Variants in TRIML1 observed in about 807,000 individuals in gnomAD.
TRIML1 encodes the protein probable E3 ubiquitin-protein ligase TRIML1.
TRIML1 carries 34 observed loss-of-function variants against 32.3 expected under a neutral mutation model. The ratio of observed to expected loss-of-function variants is 1.05; its 90% CI spans 0.80 to 1.40. The LOEUF (loss-of-function observed/expected upper bound fraction) is 1.40, where lower values mean the gene tolerates loss of function less well. TRIML1 is among the 40% of genes most tolerant of loss of function. The pLI is 0.00. For synonymous variants in TRIML1, 244 were observed against 226.6 expected (o/e 1.08, Z -0.69); for missense variants, 595 against 574.9 (o/e 1.03, Z -0.36).
At chr4:188,145,637 G>C (rs1259154912) in intron 5 of TRIML1, among the ~76,000 whole-genome samples, 1 of 151,328 alleles carries the variant, frequency 6.6e-6, no homozygotes, top group Non-Finnish European at 1.5e-5. Context: ...AGCCTGGCCA[G>C]CATGATGAAA....
chr4:188,146,731 A>G, intron 5 of TRIML1, 91 bp from the exon 6 acceptor site: 1 of 1,065,068 alleles, frequency 9.4e-7, no homozygotes, highest in Non-Finnish European at 1.3e-6. Flanking sequence ...AAAAACCAGG[A>G]CTAAATACTA....
chr4:188,140,566 G>C lies in TRIML1; in HGVS notation c.447G>C (p.Arg149Ser). ...LQEILNLLRV[R>S]RKEAQAVLTH... The stretch of plus-strand genomic sequence containing the variant: ...AAATCCTGAATCTTTTGCGTGTAAG[G>C]AGAAAGGAAGCTCAGGCTGTACTAA... Residue 149 changes from arginine (R) to serine (S), a missense_variant, in exon 2 of 6, where the codon AGG becomes AGC. Physicochemically the swap from Arg to Ser is moderately radical, Grantham distance 110. Transcript: ENST00000332517. 6.2e-7 allele frequency: 1 copy of C among 1,614,122 alleles called. No homozygotes were observed. The highest frequency in any genetic ancestry group is 8.5e-7 in the Non-Finnish European group (1 of 1,180,004).
rs1309915956 is a variant in TRIML1, at chr4:188,139,571, G to T, written c.13G>T (p.Asp5Tyr). 6.3e-7 allele frequency: 1 copy of T among 1,589,724 alleles called. No homozygotes were observed. The highest frequency in any genetic ancestry group is 8.6e-7 in the Non-Finnish European group (1 of 1,165,384). The change falls in exon 1 of 6, where the codon GAT becomes TAT. Residue 5 changes from aspartate to tyrosine, a missense_variant. Coordinates refer to ENST00000332517, the MANE Select transcript of TRIML1 (RefSeq NM_178556.5). Reference protein sequence around the residue: MSTADLMENLREELT... With the variant: MSTAYLMENLREELT... ...CAGCCTCGAGAAAATGTCTACAGCA[G>T]ATCTGATGGAGAACCTCAGGGAGGA...
At chr4:188,150,642 C>G (rs563143139), downstream of TRIML1, among the ~76,000 whole-genome samples, 21 of 152,006 alleles carry the variant, frequency 1.4e-4, no homozygotes, top group Non-Finnish European at 2.5e-4. Flanking sequence ...TACATCCTTT[C>G]CTTTCCTTCT....
At chr4:188,142,116 A>C (rs1315273573) in intron 2 of TRIML1, 136 bp from the exon 3 acceptor site, 2 of 7,948 alleles carry the variant, frequency 2.5e-4, no homozygotes, top group Non-Finnish European at 1.6e-3. Context: ...ACTCCATCTC[A>C]AAAAAAAAAA....
Position 188,140,521 on chromosome 4 carries a change from A to AT in TRIML1, c.409-5dup, listed in dbSNP as rs113738610. ...CATTTGCCAGAAAGGGTTTGTTTCT[A>AT]TTGCAGGAGAAACTCCAGGAAATCC... On this transcript the variant is annotated splice_region_variant and splice_polypyrimidine_tract_variant and intron_variant, in intron 1 of 5. Transcript: ENST00000332517. 295,336 of 1,611,268 alleles carry AT rather than the reference A, an allele frequency of 0.18. 29,283 individuals are homozygous for AT. Among genetic ancestry groups the AT allele is most frequent in the Middle Eastern group, 0.23 (1,418 of 6,054 alleles).
intron 3 of TRIML1, 25 bp from the exon 4 acceptor site, chr4:188,143,813 T>C (rs2111231904): frequency 6.2e-7 from 1 of 1,614,076 alleles, no homozygotes; most frequent in East Asian, 2.2e-5. Flanking sequence ...CGCACCATGC[T>C]AACTTCTTTC....
At position 188,144,060 on chromosome 4, in the gene TRIML1, T is replaced by A. The variant is rs767613063; in HGVS notation, c.783T>A (p.Cys261Ter). ...LERSEPLLLQ[C>*]PEATTTELSL... Reference sequence around the variant, plus strand: ...GGAGCGAGCCACTCTTGCTTCAGTGTCCAGAGGCCACCACCACAGAGCTGA... The same window carrying A: ...GGAGCGAGCCACTCTTGCTTCAGTGACCAGAGGCCACCACCACAGAGCTGA... The change falls in exon 5 of 6, where the codon TGT becomes TGA. Residue 261 changes from cysteine to a stop codon, truncating the protein, a stop_gained. Transcript: ENST00000332517. LOFTEE classifies it high-confidence loss of function. 10 of 1,614,072 alleles carry A rather than the reference T, an allele frequency of 6.2e-6. No individual in the cohort carries two copies. In the South Asian group the frequency reaches 1.1e-4, roughly 18 times the overall value.
chr4:188,139,665 G>T lies in TRIML1; in HGVS notation c.107G>T (p.Cys36Phe). The T allele has an allele frequency of 6.2e-7, 1 of 1,614,164 alleles. No individual in the cohort carries two copies. Among genetic ancestry groups the T allele is most frequent in the Non-Finnish European group, 8.5e-7 (1 of 1,180,042 alleles). Residue 36 changes from cysteine (C) to phenylalanine (F), a missense_variant, in exon 1 of 6, where the codon TGT (cysteine) becomes TTT (phenylalanine). Coordinates refer to ENST00000332517, the MANE Select transcript of TRIML1 (RefSeq NM_178556.5). ...ACCACCGAGTGTGGGCACAGCTTTTGTCTGGTGTGTCTCCTCAGGAGCTGG... is the reference window on the plus strand; with the variant it reads ...ACCACCGAGTGTGGGCACAGCTTTTTTCTGGTGTGTCTCCTCAGGAGCTGG... ...PVTTECGHSF[C>F]LVCLLRSWEE...
chr4:188,140,363 C>T (rs904604285), intron 1 of TRIML1, among the ~76,000 whole-genome samples, 165 bp from the exon 2 acceptor site: 2 of 152,140 alleles, frequency 1.3e-5, no homozygotes, highest in African/African-American at 4.8e-5. Context: ...CTCAGGTGAT[C>T]CGCCTGCCTC....
At chr4:188,149,465 TA>T (rs973972944), downstream of TRIML1, among the ~76,000 whole-genome samples, 21 of 150,712 alleles carry the variant, frequency 1.4e-4, no homozygotes, top group African/African-American at 5.1e-4. Flanking sequence ...TTCAACCTGT[TA>T]ATCAGCACAC....
chr4:188,147,911 T>G (rs1735149590), downstream of TRIML1, among the ~76,000 whole-genome samples: 1 of 152,162 alleles, frequency 6.6e-6, no homozygotes, highest in Admixed American at 6.5e-5. Flanking sequence ...CCCATGAGCC[T>G]GCAGTGTTTG....
intron 2 of TRIML1, 132 bp from the exon 3 acceptor site, chr4:188,142,120 A>G: frequency 1.7e-5 from 10 of 600,488 alleles, no homozygotes; most frequent in Non-Finnish European, 1.1e-5. Flanking sequence ...CATCTCAAAA[A>G]AAAAAAAAAA....
At position 188,146,903 on chromosome 4, in the gene TRIML1, G is replaced by A; in HGVS notation, c.938G>A (p.Ser313Asn). The A allele has an allele frequency of 6.7e-7, 1 of 1,495,690 alleles. No individual in the cohort carries two copies. The highest frequency in any genetic ancestry group is 8.9e-7 in the Non-Finnish European group (1 of 1,121,998). The allele number at this position is 1,495,690 out of a possible 1,614,324, so 92.7% of individuals were successfully genotyped here. A position where few individuals can be genotyped will look rare whatever the true frequency, so the allele number is the denominator to read the frequency against. The change falls in exon 6 of 6, where the codon AGC becomes AAC. Residue 313 changes from serine (S) to asparagine (N), a missense_variant. Coordinates refer to ENST00000332517, the MANE Select transcript of TRIML1 (RefSeq NM_178556.5). ...EDLKSVKYGG[S>N]RQQLPDNPER... ...CTGAAGAGTGTGAAATATGGGGGAA[G>A]CAGACAGCAGCTACCCGACAACCCG...
chr4:188,142,235 TGTGTGTG>T lies in TRIML1; in HGVS notation c.505-16_505-10del. The T allele has an allele frequency of 2.0e-6, 3 of 1,465,238 alleles. No homozygotes were observed. The highest frequency in any genetic ancestry group is 1.1e-5 in the South Asian group (1 of 87,476). 90.8% of individuals were successfully genotyped at this position (1,465,238 alleles called of 1,614,324 possible). On this transcript the variant is annotated splice_polypyrimidine_tract_variant and intron_variant, in intron 2 of 5. Coordinates refer to ENST00000332517, the MANE Select transcript of TRIML1 (RefSeq NM_178556.5). ...GTGTGTGTGTGTGTGTGTGTGTGTG[TGTGTGTG>T]TTTTGGCAGGAAGAAACAAAGACTT...
intron 1 of TRIML1, 124 bp from the exon 2 acceptor site, chr4:188,140,404 G>A (rs1342188292): frequency 1.4e-6 from 1 of 723,774 alleles, no homozygotes. Flanking sequence ...TTACAGGCGT[G>A]AGGCGCCGCA....
intron 5 of TRIML1, among the ~76,000 whole-genome samples, chr4:188,146,233 G>A (rs1464042881): frequency 6.6e-6 from 1 of 152,174 alleles, no homozygotes; most frequent in Non-Finnish European, 1.5e-5. Context: ...ACAGCTCGGA[G>A]CTCTAAAGAT....
chr4:188,144,710 C>A (rs886722640), intron 5 of TRIML1, among the ~76,000 whole-genome samples: 12 of 152,018 alleles, frequency 7.9e-5, no homozygotes, highest in African/African-American at 2.4e-5. Context: ...TTCCATCCCC[C>A]CCTTGCACGT....
At chr4:188,149,861 G>A (rs1735204365), downstream of TRIML1, among the ~76,000 whole-genome samples, 1 of 152,044 alleles carries the variant, frequency 6.6e-6, no homozygotes, top group Non-Finnish European at 1.5e-5. Context: ...GGAATGCAGT[G>A]GCGCCATCTT....
Sources: gnomAD v4.1 joint callset for allele counts (sites outside exome capture counted in the v4.1 genomes callset) on GRCh38, gnomAD v4.1.1 for gene constraint, MANE v1.5 for transcripts, NCBI Gene and HGNC (gene_info 2026-07-23, HGNC 2026-07-21) for gene names.